The following CPQ variants were observed in gnomAD, a reference collection of about 807,000 sequenced individuals.
CPQ encodes the protein Ser-Met dipeptidase.
Under a neutral mutation model 45.7 loss-of-function variants are expected in CPQ, and 37 were observed. The ratio of observed to expected loss-of-function variants is 0.81; its 90% CI spans 0.62 to 1.07. The LOEUF (loss-of-function observed/expected upper bound fraction) is 1.07, where lower values mean the gene tolerates loss of function less well. CPQ is among the 50% of genes least tolerant of loss of function. The pLI, the probability that CPQ is intolerant of heterozygous loss-of-function variation, is 0.00. For missense variants in CPQ, 537 were observed against 572.9 expected (o/e 0.94, Z 0.64); for synonymous variants, 186 against 205.8 (o/e 0.90, Z 0.82).
chr8:97,120,086 TA>T (rs1161642211), intron 7 of CPQ, among the ~76,000 whole-genome samples: 1 of 152,142 alleles, frequency 6.6e-6, no homozygotes, highest in African/African-American at 2.4e-5. Context: ...CATACACAAG[TA>T]AATAACAAAA....
intron 5 of CPQ, among the ~76,000 whole-genome samples, chr8:97,022,313 C>T (rs1267727579): frequency 2.6e-5 from 4 of 152,172 alleles, no homozygotes. Context: ...CCCTTCTAGA[C>T]ATTGGCTTAG....
chr8:97,077,802 T>C (rs1017853702), intron 7 of CPQ, among the ~76,000 whole-genome samples: 6 of 152,202 alleles, frequency 3.9e-5, no homozygotes, highest in Non-Finnish European at 8.8e-5. Context: ...CAAACTCATG[T>C]TGTTCAAAGG....
intron 1 of CPQ, among the ~76,000 whole-genome samples, chr8:96,698,818 T>A (rs6998992): frequency 0.36 from 54,013 of 151,946 alleles, 9,887 homozygotes; most frequent in East Asian, 0.61. Flanking sequence ...TTTATCCAAA[T>A]GACAGGCAAT....
At chr8:97,090,062 T>C (rs1053775472) in intron 7 of CPQ, among the ~76,000 whole-genome samples, 55 of 152,180 alleles carry the variant, frequency 3.6e-4, no homozygotes, top group African/African-American at 1.3e-3. Flanking sequence ...ATCTAGGCAG[T>C]GTTTTCCCAG....
At chr8:96,844,024 C>T (rs928708667) in intron 3 of CPQ, among the ~76,000 whole-genome samples, 4 of 152,122 alleles carry the variant, frequency 2.6e-5, no homozygotes, top group East Asian at 1.9e-4. Flanking sequence ...TATATATAAA[C>T]GTTAACCTTC....
At chr8:96,926,564 CTCTTCCTCTTCCTCTTCTTCTTCT>C (rs1391411686) in intron 4 of CPQ, among the ~76,000 whole-genome samples, 2 of 64,278 alleles carry the variant, frequency 3.1e-5, no homozygotes, top group Non-Finnish European at 5.9e-5. Flanking sequence ...CTTCCTCTTC[CTCTTCCTCTTCCTCTTCTTCTTCT>C]TCTTCTTCTT....
chr8:96,833,284 C>G (rs1811483599), intron 2 of CPQ, among the ~76,000 whole-genome samples: 1 of 152,108 alleles, frequency 6.6e-6, no homozygotes, highest in Admixed American at 6.6e-5. Context: ...GGACTCCACT[C>G]TCTTGTTTGT....
At chr8:97,056,222 CT>C (rs1176358687) in intron 6 of CPQ, among the ~76,000 whole-genome samples, 11 of 152,112 alleles carry the variant, frequency 7.2e-5, no homozygotes, top group African/African-American at 2.4e-4. Flanking sequence ...AGTGGAGGTA[CT>C]GAGTAGCTGT....
At chr8:96,680,357 G>T (rs1452040794) in intron 1 of CPQ, 1 of 152,146 alleles carries the variant, frequency 6.6e-6, no homozygotes, top group Admixed American at 6.5e-5. Context: ...TCAGTGGGAG[G>T]TAATTGAATC....
At chr8:97,068,756 G>T (rs1019520971) in intron 7 of CPQ, among the ~76,000 whole-genome samples, 2 of 152,162 alleles carry the variant, frequency 1.3e-5, no homozygotes, top group African/African-American at 4.8e-5. Context: ...CTATGAAGGA[G>T]GTACAATTAT....
chr8:96,846,124 C>CT (rs1014297677), intron 3 of CPQ, among the ~76,000 whole-genome samples: 2 of 152,144 alleles, frequency 1.3e-5, no homozygotes, highest in African/African-American at 2.4e-5. Flanking sequence ...AGCCTCCTAA[C>CT]TTTTTTTAAG....
Position 96,806,292 on chromosome 8 carries a change from A to C in CPQ, c.433+20962A>C, listed in dbSNP as rs149905427. Reference sequence around the variant, plus strand: ...AATTGAGATAATTTTTACCTTTAACATAAAAGTTCGGCTCTAAAAAATGTT... The same window carrying C: ...AATTGAGATAATTTTTACCTTTAACCTAAAAGTTCGGCTCTAAAAAATGTT... On this transcript the variant is annotated intron_variant, in intron 2 of 7. Transcript: ENST00000220763. Among the ~76,000 whole-genome samples the C allele has an allele frequency of 2.3e-3, 348 of 152,322 alleles. 4 individuals are homozygous for C. The highest frequency in any genetic ancestry group is 8.2e-3 in the African/African-American group (339 of 41,574).
At chr8:97,065,198 G>A (rs1318572507) in intron 6 of CPQ, among the ~76,000 whole-genome samples, 1 of 147,444 alleles carries the variant, frequency 6.8e-6, no homozygotes, top group Admixed American at 6.6e-5. Context: ...GAGCTGGCCA[G>A]TTTGAAGGAT....
At chr8:97,042,040 G>T (rs1051096822) in intron 6 of CPQ, among the ~76,000 whole-genome samples, 3 of 151,818 alleles carry the variant, frequency 2.0e-5, no homozygotes, top group African/African-American at 7.2e-5. Flanking sequence ...CTATTGATTG[G>T]AATAGTTTCA....
intron 5 of CPQ, among the ~76,000 whole-genome samples, chr8:96,973,170 A>G (rs1322997767): frequency 6.6e-6 from 1 of 152,046 alleles, no homozygotes; most frequent in Non-Finnish European, 1.5e-5. Context: ...AGTGAAATAG[A>G]CAGCATAAAT....
chr8:96,673,852 T>C (rs1377453431), intron 1 of CPQ, among the ~76,000 whole-genome samples: 1 of 152,164 alleles, frequency 6.6e-6, no homozygotes, highest in Non-Finnish European at 1.5e-5. Flanking sequence ...TCAAATATCA[T>C]ATTGAATAAA....
chr8:96,657,598 T>C (rs1815652901), intron 1 of CPQ, among the ~76,000 whole-genome samples: 1 of 152,268 alleles, frequency 6.6e-6, no homozygotes, highest in African/African-American at 2.4e-5. Context: ...TATTCTGCCA[T>C]CTTGCTGATG....
chr8:96,656,759 A>G (rs990325597), intron 1 of CPQ, among the ~76,000 whole-genome samples: 13 of 152,212 alleles, frequency 8.5e-5, no homozygotes, highest in African/African-American at 2.9e-4. Context: ...TTCTGTGAAC[A>G]GTGAACTTGG....
chr8:97,049,484 A>G (rs1298177625), intron 6 of CPQ, among the ~76,000 whole-genome samples: 1 of 152,222 alleles, frequency 6.6e-6, no homozygotes, highest in African/African-American at 2.4e-5. Context: ...CACCATTAAC[A>G]GCTCCCCAGT....
Sources: gnomAD v4.1 joint callset for allele counts (sites outside exome capture counted in the v4.1 genomes callset) on GRCh38, gnomAD v4.1.1 for gene constraint, MANE v1.5 for transcripts, NCBI Gene and HGNC (gene_info 2026-07-23, HGNC 2026-07-21) for gene names.